Variants in C4orf17 observed in about 807,000 individuals in gnomAD.
C4orf17 encodes uncharacterized protein C4orf17.
In C4orf17, 25 loss-of-function variants were observed where a neutral mutation model predicts 32.0. That is an observed-to-expected ratio of 0.78 (90% CI 0.57 to 1.09). C4orf17 has a LOEUF of 1.09. C4orf17 is among the 50% of genes least tolerant of loss of function. The pLI, the probability that C4orf17 is intolerant of heterozygous loss-of-function variation, is 0.00. For missense variants in C4orf17, 420 were observed against 420.0 expected, an observed-to-expected ratio of 1.00 and a Z score of 0.00; for synonymous variants, 149 against 145.8, an observed-to-expected ratio of 1.02 and a Z score of -0.16.
At chr4:99,516,644 A>G (rs72906765) in intron 2 of C4orf17, among the ~76,000 whole-genome samples, 13,802 of 152,226 alleles carry the variant, frequency 0.091, 825 homozygotes, top group African/African-American at 0.16. Flanking sequence ...AGAGAACAGC[A>G]AAAGAATATT....
At chr4:99,523,927 T>G (rs956851046) in intron 3 of C4orf17, among the ~76,000 whole-genome samples, 1 of 151,814 alleles carries the variant, frequency 6.6e-6, no homozygotes, top group Non-Finnish European at 1.5e-5. Context: ...AAAGTGACAT[T>G]TATATGGACA....
At chr4:99,535,854 TTTCATCTTTGTGGGCTTATCTACC>T in intron 5 of C4orf17, 1 of 409,366 alleles carries the variant, frequency 2.4e-6, no homozygotes. Flanking sequence ...ATTGATTCTT[TTTCATCTTTGTGGGCTTATCTACC>T]TTCAATCTTT....
intron 5 of C4orf17, among the ~76,000 whole-genome samples, chr4:99,536,509 C>G (rs1723564941): frequency 6.6e-6 from 1 of 152,184 alleles, no homozygotes; most frequent in Non-Finnish European, 1.5e-5. Context: ...CATGATCTGG[C>G]ACAGCAGCTG....
At position 99,517,888 on chromosome 4, in the gene C4orf17, G is replaced by C. The variant is rs62304981; in HGVS notation, c.128-4612G>C. Among the ~76,000 whole-genome samples, 706 of 152,272 alleles carry C rather than the reference G, an allele frequency of 4.6e-3. 5 individuals are homozygous for C. The highest frequency in any genetic ancestry group is 6.9e-3 in the Non-Finnish European group (468 of 68,036). ...GCATGGAATGCCTCATGGGCACCTT[G>C]AACTGTGCTCTTCAAAACTGAACTC... On this transcript the variant is annotated intron_variant, in intron 2 of 8. Transcript: ENST00000326581.
intron 2 of C4orf17, among the ~76,000 whole-genome samples, chr4:99,520,343 C>T (rs926008048): frequency 6.6e-6 from 1 of 152,192 alleles, no homozygotes; most frequent in African/African-American, 2.4e-5. Flanking sequence ...GATCCGCCCG[C>T]CTCAGCCTCC....
At position 99,522,624 on chromosome 4, in the gene C4orf17, C is replaced by T. The variant is rs754777595; in HGVS notation, c.252C>T (p.Pro84=). The part of the protein sequence containing the change: ...NRIPFANCSY[P]SSTAVQESPV... ...TACCATTTGCCAATTGCAGTTACCCCTCCAGCACTGCAGTCCAGGAGAGCC... is the reference window on the plus strand; with the variant it reads ...TACCATTTGCCAATTGCAGTTACCCTTCCAGCACTGCAGTCCAGGAGAGCC... Residue 84 remains proline (P), a synonymous_variant, in exon 3 of 9, where the codon CCC becomes CCT. Transcript: ENST00000326581. 4 of 1,613,924 alleles carry T rather than the reference C, an allele frequency of 2.5e-6. No homozygotes were observed. The highest frequency in any genetic ancestry group is 3.4e-6 in the Non-Finnish European group (4 of 1,179,876).
At chr4:99,518,518 A>AATAT (rs1323508832) in intron 2 of C4orf17, among the ~76,000 whole-genome samples, 117 of 16,784 alleles carry the variant, frequency 7.0e-3, no homozygotes, top group African/African-American at 0.013. Context: ...AAAAAAAAAA[A>AATAT]ATATATATAT....
intron 5 of C4orf17, among the ~76,000 whole-genome samples, chr4:99,534,488 A>G (rs917836324): frequency 1.3e-5 from 2 of 152,214 alleles, no homozygotes; most frequent in Non-Finnish European, 1.5e-5. Context: ...TCCTTTGGGT[A>G]TATACCCAGT....
At position 99,522,657 on chromosome 4, in the gene C4orf17, A is replaced by G. The variant is rs1233630477; in HGVS notation, c.285A>G (p.Arg95=). The change falls in exon 3 of 9, where the codon AGA becomes AGG. Residue 95 remains arginine, a synonymous_variant. Coordinates refer to ENST00000326581, the MANE Select transcript of C4orf17 (RefSeq NM_032149.3). Reference sequence around the variant, plus strand: ...CTGCAGTCCAGGAGAGCCCTGTAAGAGGAATGTCGCCAGCCCCAAACGGTG... The same window carrying G: ...CTGCAGTCCAGGAGAGCCCTGTAAGGGGAATGTCGCCAGCCCCAAACGGTG... The part of the protein sequence containing the change: ...SSTAVQESPV[R]GMSPAPNGAK... The G allele has an allele frequency of 6.2e-7, 1 of 1,614,052 alleles. No individual in the cohort carries two copies. Among genetic ancestry groups the G allele is most frequent in the Admixed American group, 1.7e-5 (1 of 60,008 alleles).
At chr4:99,511,405 A>G (rs953963512) in intron 1 of C4orf17, 133 bp downstream of exon 1, 6 of 151,012 alleles carry the variant, frequency 4.0e-5, no homozygotes, top group African/African-American at 1.5e-4. Context: ...AATGAAATAC[A>G]CATTGTTTTC....
Position 99,530,038 on chromosome 4 carries a change from A to T in C4orf17, c.546+80A>T, listed in dbSNP as rs578217221. Reference sequence around the variant, plus strand: ...AAATTTATACCACTAGCATCCTTAAAACTCTTAAATGATTCCTTACTGATA... The same window carrying T: ...AAATTTATACCACTAGCATCCTTAATACTCTTAAATGATTCCTTACTGATA... On this transcript the variant is annotated intron_variant, in intron 5 of 8. Transcript: ENST00000326581. 3.5e-6 allele frequency: 4 copies of T among 1,155,070 alleles called. No homozygotes were observed. The South Asian group carries it at 6.9e-5, about 20-fold the overall frequency. 71.6% of individuals were successfully genotyped at this position (1,155,070 alleles called of 1,614,324 possible).
chr4:99,539,195 G>A lies in C4orf17; in HGVS notation c.661G>A (p.Glu221Lys). The A allele has an allele frequency of 6.2e-7, 1 of 1,613,954 alleles. No homozygotes were observed. The highest frequency in any genetic ancestry group is 1.3e-5 in the African/African-American group (1 of 75,004). Residue 221 changes from glutamate (E) to lysine (K), a missense_variant, in exon 7 of 9, where the codon GAG becomes AAG. Glu to Lys is a moderately conservative substitution (Grantham distance 56). Transcript: ENST00000326581. The stretch of plus-strand genomic sequence containing the variant: ...GTGGGTCTCAGCTTTGATTCATTCT[G>A]AGCTTGCCGAGATAAACCTGTTAAC... ...KEWVSALIHS[E>K]LAEINLLTHH...
chr4:99,528,575 C>G (rs1723428325), intron 4 of C4orf17, among the ~76,000 whole-genome samples: 1 of 152,056 alleles, frequency 6.6e-6, no homozygotes, highest in African/African-American at 2.4e-5. Context: ...TGTGACATAT[C>G]CAAGACTGGG....
chr4:99,538,590 C>A (rs901331032), intron 6 of C4orf17, among the ~76,000 whole-genome samples: 2 of 152,104 alleles, frequency 1.3e-5, no homozygotes, highest in African/African-American at 4.8e-5. Flanking sequence ...TCTTTAGTTA[C>A]CTTCCAATTA....
chr4:99,530,816 G>GGA (rs1315236650), intron 5 of C4orf17, among the ~76,000 whole-genome samples: 1 of 152,032 alleles, frequency 6.6e-6, no homozygotes, highest in African/African-American at 2.4e-5. Context: ...TGTATAGAAA[G>GGA]GAGAGTATCT....
intron 2 of C4orf17, among the ~76,000 whole-genome samples, chr4:99,513,921 T>A (rs899902326): frequency 6.6e-6 from 1 of 152,146 alleles, no homozygotes; most frequent in African/African-American, 2.4e-5. Flanking sequence ...TTCTCAAGGT[T>A]ATGAAATATA....
intron 2 of C4orf17, among the ~76,000 whole-genome samples, chr4:99,515,940 A>C (rs1166287929): frequency 1.3e-5 from 2 of 152,178 alleles, no homozygotes; most frequent in Non-Finnish European, 2.9e-5. Flanking sequence ...TCTTGGCAGC[A>C]GGACCAAGCA....
At chr4:99,518,667 T>C (rs1723237665) in intron 2 of C4orf17, among the ~76,000 whole-genome samples, 2 of 149,668 alleles carry the variant, frequency 1.3e-5, no homozygotes. Flanking sequence ...ATAAAGTGGT[T>C]AATTTTGACA....
intron 4 of C4orf17, among the ~76,000 whole-genome samples, chr4:99,525,861 A>C (rs1488120163): frequency 6.6e-6 from 1 of 151,828 alleles, no homozygotes; most frequent in African/African-American, 2.4e-5. Context: ...CATATATTCT[A>C]GATTAAATCT....
Sources: gnomAD v4.1 joint callset for allele counts (sites outside exome capture counted in the v4.1 genomes callset) on GRCh38, gnomAD v4.1.1 for gene constraint, MANE v1.5 for transcripts, NCBI Gene and HGNC (gene_info 2026-07-23, HGNC 2026-07-21) for gene names.